The following GDF10 variants were observed in gnomAD, a reference collection of about 807,000 sequenced individuals.
GDF10 encodes the protein growth/differentiation factor 10.
In GDF10, 23 loss-of-function variants were observed where a neutral mutation model predicts 32.1. The observed-to-expected ratio is 0.72, with a 90% CI of 0.52 to 1.02. The LOEUF is 1.02. Ranked by LOEUF, GDF10 falls within the 50% of genes least tolerant of loss-of-function variation. GDF10 has a pLI of 0.00. For synonymous variants in GDF10, 328 were observed against 303.1 expected, an observed-to-expected ratio of 1.08 and a Z score of -0.85; for missense variants, 764 against 673.9, an observed-to-expected ratio of 1.13 and a Z score of -1.48.
rs782321810 is a variant in GDF10 at position 47,310,684 on chromosome 10, A to G, written c.1208A>G (p.Tyr403Cys). 9 of 1,613,758 alleles carry G rather than the reference A, an allele frequency of 5.6e-6. No individual in the cohort carries two copies. In the East Asian group the frequency reaches 1.1e-4, roughly 20 times the overall value. The change falls in exon 2 of 3, where the codon TAC (tyrosine) becomes TGC (cysteine). Residue 403 changes from tyrosine to cysteine, a missense_variant. By Grantham distance (194) the Tyr-to-Cys change is radical. Coordinates refer to ENST00000580279, the MANE Select transcript of GDF10 (RefSeq NM_004962.5). ...ATCTCACCGAAATCTTTTGATGCCT[A>G]CTACTGCGCGGGAGCATGTGAGTTC... is the stretch of plus-strand genomic sequence containing the variant. Reference protein sequence around the residue: ...WIISPKSFDAYYCAGACEFPM... With the variant: ...WIISPKSFDACYCAGACEFPM...
At chr10:47,303,402 GT>G (rs1277078557) in intron 1 of GDF10, among the ~76,000 whole-genome samples, 1 of 152,226 alleles carries the variant, frequency 6.6e-6, no homozygotes, top group African/African-American at 2.4e-5. Context: ...GCCTCGTGGG[GT>G]CCAAATCCCA....
In GDF10 at chr10:47,300,889, C is replaced by T; in HGVS notation, c.238C>T (p.His80Tyr). Residue 80 changes from histidine (H) to tyrosine (Y), a missense_variant, in exon 1 of 3, where the codon CAC becomes TAC. By Grantham distance (83) the His-to-Tyr change is moderately conservative. Coordinates refer to ENST00000580279, the MANE Select transcript of GDF10 (RefSeq NM_004962.5). ...SAQDMVAVHM[H>Y]RLYEKYSRQG... ...CCAGGACATGGTCGCTGTCCACATG[C>T]ACAGGCTCTATGAGAAGTACAGCCG... 1.3e-6 allele frequency: 2 copies of T among 1,588,220 alleles called. No individual in the cohort carries two copies. The highest frequency in any genetic ancestry group is 1.7e-6 in the Non-Finnish European group (2 of 1,175,408).
intron 1 of GDF10, among the ~76,000 whole-genome samples, chr10:47,304,211 G>A (rs1555207034): frequency 2.0e-5 from 3 of 152,166 alleles, no homozygotes; most frequent in African/African-American, 7.2e-5. Flanking sequence ...GATAACGCAA[G>A]GAGAGAAAGG....
chr10:47,307,946 C>A (rs2061028977), intron 1 of GDF10, among the ~76,000 whole-genome samples: 1 of 152,222 alleles, frequency 6.6e-6, no homozygotes, highest in South Asian at 2.1e-4. Flanking sequence ...TTTCTGTGAT[C>A]TTCCAGACAA....
chr10:47,312,533 G>C, intron 2 of GDF10, 68 bp from the exon 3 acceptor site: 1 of 959,646 alleles, frequency 1.0e-6, no homozygotes, highest in Non-Finnish European at 1.5e-6. Context: ...GGGACTGTGA[G>C]GATGGCATGG....
Position 47,313,246 on chromosome 10 carries a change from A to G in GDF10, c.*454A>G, listed in dbSNP as rs1383101175. 6.5e-6 allele frequency: 1 copy of G among 152,890 alleles called. No homozygotes were observed. Among genetic ancestry groups the G allele is most frequent in the Non-Finnish European group, 1.5e-5 (1 of 68,544 alleles). 9.5% of individuals were successfully genotyped at this position (152,890 alleles called of 1,614,324 possible). On this transcript the variant is annotated 3_prime_UTR_variant, in exon 3 of 3. Transcript: ENST00000580279. ...TGGAAAACAGGATAATCGTGGTGTAAATGAGTGTTTCCTTTCAAAGTCCAC... is the reference window on the plus strand; with the variant it reads ...TGGAAAACAGGATAATCGTGGTGTAGATGAGTGTTTCCTTTCAAAGTCCAC...
Position 47,310,142 on chromosome 10 carries a change from C to T in GDF10, c.666C>T (p.Ser222=), listed in dbSNP as rs1342969265. 14 of 1,611,642 alleles carry T rather than the reference C, an allele frequency of 8.7e-6. No individual in the cohort carries two copies. Among genetic ancestry groups the T allele is most frequent in the Non-Finnish European group, 1.2e-5 (14 of 1,179,466 alleles). ...GCCGGGATGGCGAGCTGCTCCTCTC[C>T]GCCCAGCTGGATTCTGAGGAGAGGG... is the stretch of plus-strand genomic sequence containing the variant. The part of the protein sequence containing the change: ...AARRDGELLL[S]AQLDSEERDP... The change falls in exon 2 of 3, where the codon TCC becomes TCT. Residue 222 remains serine, a synonymous_variant. Transcript: ENST00000580279.
intron 1 of GDF10, among the ~76,000 whole-genome samples, chr10:47,302,982 A>G (rs1465601085): frequency 6.6e-6 from 1 of 152,226 alleles, no homozygotes; most frequent in Non-Finnish European, 1.5e-5. Context: ...AGTACAGTGA[A>G]GAAGTGAGGA....
At chr10:47,302,710 C>A (rs2061008925) in intron 1 of GDF10, among the ~76,000 whole-genome samples, 1 of 152,226 alleles carries the variant, frequency 6.6e-6, no homozygotes, top group Non-Finnish European at 1.5e-5. Context: ...GGGTTGGCAA[C>A]TCCCATCTGC....
chr10:47,310,156 C>T lies in GDF10; in HGVS notation c.680C>T (p.Ser227Phe). 1 of 1,612,102 alleles carries T rather than the reference C, an allele frequency of 6.2e-7. No homozygotes were observed. Reference protein sequence around the residue: ...GELLLSAQLDSEERDPGVPRP... With the variant: ...GELLLSAQLDFEERDPGVPRP... ...CTGCTCCTCTCCGCCCAGCTGGATT[C>T]TGAGGAGAGGGACCCGGGGGTGCCC... is the stretch of plus-strand genomic sequence containing the variant. Residue 227 changes from serine to phenylalanine, a missense_variant, in exon 2 of 3, where the codon TCT (serine) becomes TTT (phenylalanine). Physicochemically the swap from Ser to Phe is radical, Grantham distance 155 (BLOSUM62 -2). Coordinates refer to ENST00000580279, the MANE Select transcript of GDF10 (RefSeq NM_004962.5).
intron 1 of GDF10, among the ~76,000 whole-genome samples, chr10:47,301,750 C>T (rs2061005709): frequency 6.6e-6 from 1 of 152,160 alleles, no homozygotes; most frequent in African/African-American, 2.4e-5. Context: ...GTGAGAAGAC[C>T]CTGGTTGTCA....
In GDF10 at chr10:47,310,029, G is replaced by A; in HGVS notation, c.553G>A (p.Gly185Arg). Residue 185 changes from glycine (G) to arginine (R), a missense_variant, in exon 2 of 3, where the codon GGG (glycine) becomes AGG (arginine). Coordinates refer to ENST00000580279, the MANE Select transcript of GDF10 (RefSeq NM_004962.5). ...CCTCTCGCAGAACACGGCCACACAG[G>A]GGCTACTCCGCGGGGCCATGGCCCT... is the stretch of plus-strand genomic sequence containing the variant. ...RSLSQNTATQ[G>R]LLRGAMALAP... 10 of 1,607,154 alleles carry A rather than the reference G, an allele frequency of 6.2e-6. No homozygotes were observed. The highest frequency in any genetic ancestry group is 7.6e-6 in the Non-Finnish European group (9 of 1,177,036).
intron 1 of GDF10, among the ~76,000 whole-genome samples, chr10:47,306,825 T>C (rs1235766854): frequency 6.6e-6 from 1 of 151,826 alleles, no homozygotes. Flanking sequence ...TAAAGCCACA[T>C]GTTGGAAGGA....
At chr10:47,305,433 C>G (rs1222050133) in intron 1 of GDF10, among the ~76,000 whole-genome samples, 1 of 152,352 alleles carries the variant, frequency 6.6e-6, no homozygotes, top group Admixed American at 6.5e-5. Context: ...CGTTGAACCT[C>G]AACCCTAGAG....
rs1268767198 is a variant in GDF10, at chr10:47,300,425, G to C, written c.-227G>C. ...GGCTCGGCTCTGCGCTGCTCCGGAC[G>C]GCTGTGACCGCTGGCCGGGGGCTCG... On this transcript the variant is annotated 5_prime_UTR_variant, in exon 1 of 3. Coordinates refer to ENST00000580279, the MANE Select transcript of GDF10 (RefSeq NM_004962.5). 4 of 485,608 alleles carry C rather than the reference G, an allele frequency of 8.2e-6. No individual in the cohort carries two copies. The highest frequency in any genetic ancestry group is 1.4e-5 in the Non-Finnish European group (4 of 278,434). 30.1% of individuals were successfully genotyped at this position (485,608 alleles called of 1,614,324 possible).
chr10:47,304,211 G>T (rs1555207034), intron 1 of GDF10, among the ~76,000 whole-genome samples: 1 of 152,166 alleles, frequency 6.6e-6, no homozygotes, highest in Non-Finnish European at 1.5e-5. Context: ...GATAACGCAA[G>T]GAGAGAAAGG....
At chr10:47,309,470 G>A (rs1468579502) in intron 1 of GDF10, among the ~76,000 whole-genome samples, 2 of 152,210 alleles carry the variant, frequency 1.3e-5, no homozygotes, top group Non-Finnish European at 2.9e-5. Context: ...AGGGCAGGGG[G>A]AGCAAACAGG....
chr10:47,302,303 A>G (rs2061007513), intron 1 of GDF10, among the ~76,000 whole-genome samples: 1 of 152,254 alleles, frequency 6.6e-6, no homozygotes, highest in Non-Finnish European at 1.5e-5. Flanking sequence ...TCATATGTGC[A>G]AGCTCAGAGC....
At chr10:47,304,467 T>G (rs1555207060) in intron 1 of GDF10, among the ~76,000 whole-genome samples, 2 of 148,380 alleles carry the variant, frequency 1.3e-5, no homozygotes, top group Non-Finnish European at 3.0e-5. Context: ...TATAAATAAA[T>G]GCATGCTTAT....
Sources: gnomAD v4.1 joint callset for allele counts (sites outside exome capture counted in the v4.1 genomes callset) on GRCh38, gnomAD v4.1.1 for gene constraint, MANE v1.5 for transcripts, NCBI Gene and HGNC (gene_info 2026-07-23, HGNC 2026-07-21) for gene names.